KIAA0319L: variants seen among roughly 807,000 people sequenced by gnomAD.
KIAA0319L encodes the protein KIAA0319 like, also known as dyslexia-associated protein KIAA0319-like protein.
A neutral mutation model predicts 120.1 loss-of-function variants in KIAA0319L; 55 were observed. That is an observed-to-expected ratio of 0.46 (90% CI 0.37 to 0.57). KIAA0319L has a LOEUF of 0.57. Ranked by LOEUF, KIAA0319L falls within the 20% of genes least tolerant of loss-of-function variation. The pLI, the probability that KIAA0319L is intolerant of heterozygous loss-of-function variation, is 0.00. For synonymous variants in KIAA0319L, 398 were observed against 471.9 expected, an observed-to-expected ratio of 0.84 and a Z score of 2.03; for missense variants, 1,049 against 1,255.3, an observed-to-expected ratio of 0.84 and a Z score of 2.48.
intron 5 of KIAA0319L, among the ~76,000 whole-genome samples, chr1:35,472,077 T>C (rs1570724915): frequency 6.6e-6 from 1 of 152,198 alleles, no homozygotes; most frequent in African/African-American, 2.4e-5. Context: ...GGAAATTCTT[T>C]TCCATGTAGA....
chr1:35,520,301 T>C (rs1369691947), intron 2 of KIAA0319L, among the ~76,000 whole-genome samples: 1 of 152,056 alleles, frequency 6.6e-6, no homozygotes, highest in Non-Finnish European at 1.5e-5. Context: ...GGTTTCACCA[T>C]ATTGGCCAGG....
At chr1:35,518,368 C>T (rs563564889) in intron 2 of KIAA0319L, among the ~76,000 whole-genome samples, 4 of 152,222 alleles carry the variant, frequency 2.6e-5, no homozygotes, top group East Asian at 1.9e-4. Flanking sequence ...ATATATACCA[C>T]GGAATACTAT....
intron 2 of KIAA0319L, among the ~76,000 whole-genome samples, chr1:35,520,883 AAAG>A (rs1223720040): frequency 6.6e-6 from 1 of 152,248 alleles, no homozygotes; most frequent in Non-Finnish European, 1.5e-5. Context: ...GCTCTGAAGA[AAAG>A]AAATTCAGCC....
At chr1:35,436,859 C>T (rs1640831525) in intron 20 of KIAA0319L, among the ~76,000 whole-genome samples, 1 of 152,136 alleles carries the variant, frequency 6.6e-6, no homozygotes, top group Non-Finnish European at 1.5e-5. Flanking sequence ...TCCTCTTTCC[C>T]CCCAACGGAC....
chr1:35,473,756 C>T (rs1643782215), intron 5 of KIAA0319L, among the ~76,000 whole-genome samples: 1 of 152,124 alleles, frequency 6.6e-6, no homozygotes, highest in Non-Finnish European at 1.5e-5. Context: ...TGGTATTAGG[C>T]CTAGAAATTA....
At chr1:35,461,812 C>T (rs1642913440) in intron 8 of KIAA0319L, among the ~76,000 whole-genome samples, 1 of 152,096 alleles carries the variant, frequency 6.6e-6, no homozygotes, top group Non-Finnish European at 1.5e-5. Context: ...CTCTTCCCTC[C>T]TGGCCTACTA....
intron 3 of KIAA0319L, among the ~76,000 whole-genome samples, chr1:35,484,261 G>T (rs1183548715): frequency 2.6e-5 from 4 of 152,102 alleles, no homozygotes. Flanking sequence ...AGTGTTTCAT[G>T]TCTTTGGGTG....
chr1:35,474,996 T>C (rs1643856094), intron 4 of KIAA0319L, 90 bp from the exon 5 acceptor site: 1 of 757,476 alleles, frequency 1.3e-6, no homozygotes, highest in East Asian at 2.7e-5. Context: ...CCTTTCATGA[T>C]CAATATTCAG....
Position 35,460,346 on chromosome 1 carries a change from T to G in KIAA0319L, c.1386A>C (p.Ile462=). The G allele has an allele frequency of 6.2e-7, 1 of 1,613,562 alleles. No individual in the cohort carries two copies. The highest frequency in any genetic ancestry group is 1.3e-5 in the African/African-American group (1 of 75,040). ...CAGGGACGAGTTTACTTAGTTTTAA[T>G]ATGGCTGTATCTTCAGAAATCTTCT... ...REEKISEDTA[I]LKLSKLVPGN... The change falls in exon 9 of 21, where the codon ATA becomes ATC. Residue 462 remains isoleucine, a synonymous_variant. Coordinates refer to ENST00000325722, the MANE Select transcript of KIAA0319L (RefSeq NM_024874.5).
chr1:35,501,411 C>G (rs1645000774), intron 3 of KIAA0319L, among the ~76,000 whole-genome samples: 1 of 152,176 alleles, frequency 6.6e-6, no homozygotes, highest in South Asian at 2.1e-4. Flanking sequence ...TCTTCTACCT[C>G]CCTGTGAAAA....
intron 9 of KIAA0319L, among the ~76,000 whole-genome samples, chr1:35,458,047 T>C: frequency 6.6e-6 from 1 of 152,202 alleles, no homozygotes; most frequent in Non-Finnish European, 1.5e-5. Flanking sequence ...GCCATTCTCC[T>C]GCCTCAGCCT....
intron 7 of KIAA0319L, among the ~76,000 whole-genome samples, chr1:35,466,385 A>G (rs1411121741): frequency 1.3e-5 from 2 of 152,216 alleles, no homozygotes; most frequent in Non-Finnish European, 2.9e-5. Flanking sequence ...TGCTTAGGCC[A>G]TACTGCACTG....
chr1:35,490,391 A>C (rs2148350803), intron 3 of KIAA0319L, among the ~76,000 whole-genome samples: 1 of 152,308 alleles, frequency 6.6e-6, no homozygotes, highest in African/African-American at 2.4e-5. Context: ...CACAGTCCAG[A>C]ACAAAGCTCA....
chr1:35,504,600 CA>C (rs1645142753), intron 3 of KIAA0319L, among the ~76,000 whole-genome samples: 1 of 152,126 alleles, frequency 6.6e-6, no homozygotes, highest in African/African-American at 2.4e-5. Flanking sequence ...GGCTTCCAGT[CA>C]ACAGCAGGCT....
At chr1:35,452,518 T>C (rs1642138555) in intron 12 of KIAA0319L, among the ~76,000 whole-genome samples, 1 of 152,208 alleles carries the variant, frequency 6.6e-6, no homozygotes, top group African/African-American at 2.4e-5. Flanking sequence ...TTTACTTTGT[T>C]TTGCCTTTTA....
intron 9 of KIAA0319L, 42 bp from the exon 10 acceptor site, chr1:35,456,283 A>C: frequency 3.1e-6 from 4 of 1,295,440 alleles, no homozygotes; most frequent in Non-Finnish European, 4.3e-6. Context: ...GACGGGTTTA[A>C]GGAAAGAGGA....
chr1:35,452,856 A>C (rs12727080), intron 12 of KIAA0319L, among the ~76,000 whole-genome samples: 6,542 of 150,216 alleles, frequency 0.044, 192 homozygotes, highest in Non-Finnish European at 0.066. Flanking sequence ...CAAACAAACA[A>C]ACACAATACA....
chr1:35,458,321 A>G (rs1172507972), intron 9 of KIAA0319L, among the ~76,000 whole-genome samples: 1 of 152,018 alleles, frequency 6.6e-6, no homozygotes, highest in African/African-American at 2.4e-5. Context: ...GCAGCTGCCC[A>G]TTTTCTCTTT....
chr1:35,462,630 C>T lies in KIAA0319L; in HGVS notation c.1285G>A (p.Asp429Asn). The T allele has an allele frequency of 6.2e-7, 1 of 1,611,188 alleles. No individual in the cohort carries two copies. The highest frequency in any genetic ancestry group is 8.5e-7 in the Non-Finnish European group (1 of 1,177,346). ...TTAGACAAGTACTCACGACTGCCAT[C>T]AATGACTGTAGAAGTGGTTGGCAAA... ...ISLPTTSTVI[D>N]GSQSTDDDKI... The change falls in exon 8 of 21, where the codon GAT becomes AAT. Residue 429 changes from aspartate (D) to asparagine (N), a missense_variant. By Grantham distance (23) the Asp-to-Asn change is conservative. Coordinates refer to ENST00000325722, the MANE Select transcript of KIAA0319L (RefSeq NM_024874.5).
Sources: gnomAD v4.1 joint callset for allele counts (sites outside exome capture counted in the v4.1 genomes callset) on GRCh38, gnomAD v4.1.1 for gene constraint, MANE v1.5 for transcripts, NCBI Gene and HGNC (gene_info 2026-07-23, HGNC 2026-07-21) for gene names.